Variants in XKR9 observed in about 807,000 individuals in gnomAD.
XKR9 encodes XK-related protein 9.
XKR9 carries 32 observed loss-of-function variants against 32.0 expected under a neutral mutation model. The observed-to-expected ratio is 1.00, with a 90% CI of 0.76 to 1.34. XKR9 has a LOEUF of 1.34. Among genes scored for constraint, XKR9 ranks in the 40% most tolerant of loss-of-function variants. The probability of loss-of-function intolerance (pLI) is 0.00; values close to 1 mark genes in which losing one functional copy is unlikely to be tolerated. For synonymous variants in XKR9, 168 were observed against 143.4 expected (o/e 1.17, Z -1.22); for missense variants, 546 against 429.7 (o/e 1.27, Z -2.39).
the XKR9 span, among the ~76,000 whole-genome samples, chr8:70,838,606 A>G: frequency 6.6e-6 from 1 of 152,092 alleles, no homozygotes; most frequent in Non-Finnish European, 1.5e-5. Flanking sequence ...GCTCAATTTC[A>G]TACACTCAAT....
the XKR9 span, among the ~76,000 whole-genome samples, chr8:71,013,524 A>G: frequency 6.6e-6 from 1 of 152,194 alleles, no homozygotes; most frequent in Non-Finnish European, 1.5e-5. Context: ...CAAGTTGGTT[A>G]ATGAGAAGCC....
At chr8:70,899,721 A>G in the XKR9 span, among the ~76,000 whole-genome samples, 2 of 152,102 alleles carry the variant, frequency 1.3e-5, no homozygotes, top group Admixed American at 6.6e-5. Context: ...GTCACCACTG[A>G]TTTTTTAAAA....
At chr8:70,691,851 C>T (rs1225061865) in intron 3 of XKR9, among the ~76,000 whole-genome samples, 1 of 152,114 alleles carries the variant, frequency 6.6e-6, no homozygotes, top group East Asian at 1.9e-4. Context: ...TAACATGATG[C>T]CTCCAGCTTT....
At position 70,778,931 on chromosome 8, in the gene XKR9, A is replaced by ATTT. The variant is rs1383097031; in HGVS notation, n.353-10408_353-10407insTTT. ...TGACTTCCTTTTTTCCTAATGGAAT[A>ATTT]CCCTTTATTTCTCTTTCTTGTCTGA... On this transcript the variant is annotated intron_variant and non_coding_transcript_variant, in intron 2 of 3. Transcript: ENST00000520273. 2.0e-3 allele frequency among the ~76,000 whole-genome samples: 310 copies of ATTT among 152,184 alleles called. 2 individuals carry two copies. Among genetic ancestry groups the ATTT allele is most frequent in the African/African-American group, 7.3e-3 (302 of 41,524 alleles).
At chr8:70,721,063 T>A (rs1806263120) in intron 4 of XKR9, among the ~76,000 whole-genome samples, 1 of 152,220 alleles carries the variant, frequency 6.6e-6, no homozygotes, top group Non-Finnish European at 1.5e-5. Flanking sequence ...ATCCATTTCT[T>A]CAAGATTTTC....
the XKR9 span, among the ~76,000 whole-genome samples, chr8:70,992,372 A>T: frequency 2.0e-5 from 3 of 152,278 alleles, no homozygotes; most frequent in East Asian, 5.8e-4. Context: ...CTCAGAAAGT[A>T]CCTGTTCTTA....
At chr8:70,689,705 AG>A in intron 3 of XKR9, among the ~76,000 whole-genome samples, 1 of 152,254 alleles carries the variant, frequency 6.6e-6, no homozygotes, top group Admixed American at 6.5e-5. Flanking sequence ...AGAATGATAA[AG>A]TACTTTCTAT....
the XKR9 span, among the ~76,000 whole-genome samples, chr8:70,904,869 T>A: frequency 1.8e-3 from 278 of 152,332 alleles, 3 homozygotes; most frequent in Admixed American, 0.015. Flanking sequence ...TTATTTCTCC[T>A]TCACTTATGA....
At chr8:70,763,953 G>T (rs1807340594) in intron 2 of XKR9, among the ~76,000 whole-genome samples, 1 of 152,148 alleles carries the variant, frequency 6.6e-6, no homozygotes, top group African/African-American at 2.4e-5. Flanking sequence ...GATTTTTCAG[G>T]CCCTTGTAGT....
intron 2 of XKR9, among the ~76,000 whole-genome samples, chr8:70,746,169 A>G (rs904378343): frequency 6.6e-6 from 1 of 150,622 alleles, no homozygotes; most frequent in African/African-American, 2.4e-5. Context: ...ATATATAATT[A>G]TATGTTATAT....
the XKR9 span, among the ~76,000 whole-genome samples, chr8:71,044,121 A>G: frequency 3.3e-4 from 50 of 152,218 alleles, no homozygotes; most frequent in Non-Finnish European, 5.3e-4. Context: ...AGCTGAACAT[A>G]TGCTTATGCC....
the XKR9 span, among the ~76,000 whole-genome samples, chr8:70,993,569 T>G: frequency 1.3e-5 from 2 of 151,468 alleles, no homozygotes; most frequent in African/African-American, 4.8e-5. Flanking sequence ...CTTACTCTAC[T>G]AAGGATGAGA....
At chr8:70,940,790 C>A in the XKR9 span, among the ~76,000 whole-genome samples, 1 of 151,978 alleles carries the variant, frequency 6.6e-6, no homozygotes, top group South Asian at 2.1e-4. Flanking sequence ...CTTCCCTTTT[C>A]TTTTCCCCTT....
chr8:70,781,596 T>G (rs1807617836), intron 2 of XKR9, among the ~76,000 whole-genome samples: 1 of 151,836 alleles, frequency 6.6e-6, no homozygotes, highest in Non-Finnish European at 1.5e-5. Context: ...CTTGCCAGCA[T>G]TTGTTATTTT....
At chr8:70,911,380 T>G in the XKR9 span, among the ~76,000 whole-genome samples, 1 of 152,208 alleles carries the variant, frequency 6.6e-6, no homozygotes, top group Non-Finnish European at 1.5e-5. Flanking sequence ...TGTAAGATAA[T>G]ACAAATTTAT....
chr8:70,715,382 T>C (rs1247537651), intron 4 of XKR9, among the ~76,000 whole-genome samples: 1 of 152,146 alleles, frequency 6.6e-6, no homozygotes, highest in Non-Finnish European at 1.5e-5. Flanking sequence ...ATGTCTTATT[T>C]TTGCAAATTT....
chr8:71,019,778 AGAAAAGGGCTATAAAATTGACTCTG>A, the XKR9 span, among the ~76,000 whole-genome samples: 1 of 152,328 alleles, frequency 6.6e-6, no homozygotes, highest in African/African-American at 2.4e-5. Context: ...AGGTGAAAGC[AGAAAAGGGCTATAAAATTGACTCTG>A]AAGGCTAAGT....
At chr8:70,820,155 T>C in the XKR9 span, among the ~76,000 whole-genome samples, 21 of 152,262 alleles carry the variant, frequency 1.4e-4, no homozygotes, top group African/African-American at 5.1e-4. Flanking sequence ...ATCCTTCCTA[T>C]ACCTAGAGAA....
intron 1 of XKR9, chr8:70,670,526 AAG>A (rs1274708060): frequency 4.6e-5 from 7 of 152,010 alleles, no homozygotes; most frequent in Non-Finnish European, 8.8e-5. Context: ...TTTTTAAAAA[AAG>A]GTGAGAAATT....
Sources: allele counts gnomAD v4.1 joint callset (sites outside exome capture counted in the v4.1 genomes callset), GRCh38; gene constraint gnomAD v4.1.1; transcripts MANE v1.5; gene names NCBI Gene and HGNC (gene_info 2026-07-23, HGNC 2026-07-21).